The following MLIP variants were observed in gnomAD, a reference collection of about 807,000 sequenced individuals.
MLIP encodes the protein muscular LMNA-interacting protein.
Under a neutral mutation model 84.8 loss-of-function variants are expected in MLIP, and 79 were observed. That is an observed-to-expected ratio of 0.93 (90% CI 0.78 to 1.12). MLIP has a LOEUF of 1.12. Among genes scored for constraint, MLIP ranks in the 50% most tolerant of loss-of-function variants. The pLI, the probability that MLIP is intolerant of heterozygous loss-of-function variation, is 0.00. For synonymous variants in MLIP, 504 were observed against 463.0 expected (o/e 1.09, Z -1.14); for missense variants, 1,257 against 1,160.6 (o/e 1.08, Z -1.21).
chr6:54,043,269 G>A (rs140343327), intron 1 of MLIP: 38 of 152,276 alleles, frequency 2.5e-4, no homozygotes, highest in African/African-American at 8.4e-4. Flanking sequence ...AACAATGAGT[G>A]TGAATACTGT....
chr6:54,218,161 C>T (rs1273523620), intron 11 of MLIP: 1 of 223,160 alleles, frequency 4.5e-6, no homozygotes, highest in Non-Finnish European at 7.5e-6. Context: ...GTGATTTTGT[C>T]ATTGTGTGAA....
intron 1 of MLIP, chr6:54,030,806 A>G (rs1316800984): frequency 1.3e-5 from 2 of 152,130 alleles, no homozygotes; most frequent in African/African-American, 4.8e-5. Flanking sequence ...TTATTTACCT[A>G]CCTACAGGCC....
At chr6:54,253,808 A>G (rs1782803614) in intron 12 of MLIP, among the ~76,000 whole-genome samples, 1 of 152,146 alleles carries the variant, frequency 6.6e-6, no homozygotes, top group South Asian at 2.1e-4. Context: ...AAATGTGTTT[A>G]TCCAACAGTG....
At chr6:54,244,269 TA>T (rs1425562578) in intron 12 of MLIP, among the ~76,000 whole-genome samples, 2 of 152,204 alleles carry the variant, frequency 1.3e-5, no homozygotes, top group East Asian at 3.9e-4. Context: ...TTTTTAAAGA[TA>T]ATGGAGATTA....
intron 11 of MLIP, among the ~76,000 whole-genome samples, chr6:54,230,175 C>T (rs10080252): frequency 0.12 from 18,245 of 152,118 alleles, 1,452 homozygotes; most frequent in African/African-American, 0.22. Flanking sequence ...TCCAGACCCA[C>T]CCTTCCCTGA....
chr6:54,096,000 A>G (rs1768185867), intron 1 of MLIP, among the ~76,000 whole-genome samples: 1 of 152,156 alleles, frequency 6.6e-6, no homozygotes, highest in Admixed American at 6.5e-5. Flanking sequence ...TAGGCGATGT[A>G]TGAAGTAAAG....
At chr6:54,224,831 G>A (rs957070199) in intron 11 of MLIP, among the ~76,000 whole-genome samples, 3 of 151,944 alleles carry the variant, frequency 2.0e-5, no homozygotes, top group Non-Finnish European at 4.4e-5. Flanking sequence ...GAGAACATAC[G>A]ATGTTTGATT....
intron 7 of MLIP, 55 bp downstream of exon 7, chr6:54,160,654 T>G: frequency 6.6e-7 from 1 of 1,523,998 alleles, no homozygotes; most frequent in Non-Finnish European, 9.1e-7. Flanking sequence ...TTCTCTTCAT[T>G]TTCCTCTACT....
At chr6:54,250,543 G>A (rs759569765) in intron 12 of MLIP, among the ~76,000 whole-genome samples, 2 of 152,086 alleles carry the variant, frequency 1.3e-5, no homozygotes, top group Non-Finnish European at 2.9e-5. Context: ...AAAGGAATGA[G>A]ATCATGTCCT....
intron 1 of MLIP, among the ~76,000 whole-genome samples, chr6:54,060,365 T>C (rs1401124882): frequency 6.6e-6 from 1 of 152,232 alleles, no homozygotes; most frequent in Non-Finnish European, 1.5e-5. Context: ...GAAATCTTAG[T>C]AGAGAAGTTA....
chr6:54,254,019 A>G (rs1782816985), intron 12 of MLIP, among the ~76,000 whole-genome samples: 2 of 149,054 alleles, frequency 1.3e-5, no homozygotes, highest in African/African-American at 4.9e-5. Context: ...TTTGTTTTCC[A>G]CAGTGTTTAC....
At chr6:54,223,575 C>T (rs1780368722) in intron 11 of MLIP, among the ~76,000 whole-genome samples, 1 of 151,968 alleles carries the variant, frequency 6.6e-6, no homozygotes, top group South Asian at 2.1e-4. Flanking sequence ...GTTCCACTGG[C>T]TATAGTCTGC....
At chr6:54,083,982 T>C (rs1288977142) in intron 1 of MLIP, among the ~76,000 whole-genome samples, 1 of 152,218 alleles carries the variant, frequency 6.6e-6, no homozygotes, top group Non-Finnish European at 1.5e-5. Context: ...AATTTAAAAA[T>C]AATTTTAAGT....
At chr6:54,204,715 C>A (rs1307330694) in intron 11 of MLIP, among the ~76,000 whole-genome samples, 1 of 152,096 alleles carries the variant, frequency 6.6e-6, no homozygotes, top group Non-Finnish European at 1.5e-5. Context: ...ATTGCCATTT[C>A]TTTTCGTTGC....
At chr6:54,144,570 A>G (rs924409294) in intron 4 of MLIP, among the ~76,000 whole-genome samples, 2 of 152,172 alleles carry the variant, frequency 1.3e-5, no homozygotes, top group African/African-American at 2.4e-5. Flanking sequence ...TGCAGTCACA[A>G]TAGGGTTTGC....
chr6:54,055,935 T>G (rs1215632636), intron 1 of MLIP, among the ~76,000 whole-genome samples: 6 of 152,182 alleles, frequency 3.9e-5, no homozygotes, highest in Admixed American at 1.3e-4. Context: ...ATCTAAGGTC[T>G]AATTTGATGT....
chr6:54,142,041 C>T (rs540151491), intron 4 of MLIP, among the ~76,000 whole-genome samples: 7 of 152,330 alleles, frequency 4.6e-5, no homozygotes, highest in Admixed American at 4.6e-4. Context: ...AACTTAGTGG[C>T]AGCAGTCTAT....
At chr6:54,169,132 A>G (rs536046965) in intron 8 of MLIP, among the ~76,000 whole-genome samples, 1 of 151,658 alleles carries the variant, frequency 6.6e-6, no homozygotes, top group African/African-American at 2.4e-5. Context: ...TGGTGAAGGT[A>G]AAGTTAAGGA....
At chr6:54,122,981 G>C (rs900060941) in intron 2 of MLIP, among the ~76,000 whole-genome samples, 2 of 150,916 alleles carry the variant, frequency 1.3e-5, no homozygotes, top group African/African-American at 4.9e-5. Context: ...GCCCAGGCTA[G>C]AGTGCAGTGG....
Sources: gnomAD v4.1 joint callset for allele counts (sites outside exome capture counted in the v4.1 genomes callset) on GRCh38, gnomAD v4.1.1 for gene constraint, MANE v1.5 for transcripts, NCBI Gene and HGNC (gene_info 2026-07-23, HGNC 2026-07-21) for gene names.